The following RIMBP2 variants were observed in gnomAD, a reference collection of about 807,000 sequenced individuals.
RIMBP2 encodes RIMS binding protein 2.
In RIMBP2, 48 loss-of-function variants were observed where a neutral mutation model predicts 118.6. That is an observed-to-expected ratio of 0.40 (90% CI 0.32 to 0.51). The LOEUF (loss-of-function observed/expected upper bound fraction) is 0.51, where lower values mean the gene tolerates loss of function less well. Among genes scored for constraint, RIMBP2 ranks in the 20% least tolerant of loss-of-function variants. RIMBP2 has a pLI of 0.41. For synonymous variants in RIMBP2, 762 were observed against 742.9 expected (o/e 1.03, Z -0.42); for missense variants, 1,551 against 1,768.3 (o/e 0.88, Z 2.20).
At chr12:130,644,153 G>A (rs139216515) in intron 1 of RIMBP2, among the ~76,000 whole-genome samples, 1 of 152,216 alleles carries the variant, frequency 6.6e-6, no homozygotes, top group Non-Finnish European at 1.5e-5. Flanking sequence ...TCAGGGGCCT[G>A]TAGCCTCTCC....
intron 2 of RIMBP2, among the ~76,000 whole-genome samples, chr12:130,530,476 A>G (rs1348594340): frequency 6.7e-6 from 1 of 149,706 alleles, no homozygotes; most frequent in Non-Finnish European, 1.5e-5. Flanking sequence ...GCAGCTAAGA[A>G]TAACAATTTT....
chr12:130,580,875 G>T (rs1297491364), intron 2 of RIMBP2, among the ~76,000 whole-genome samples: 1 of 152,166 alleles, frequency 6.6e-6, no homozygotes, highest in Non-Finnish European at 1.5e-5. Flanking sequence ...TGGGGGCGGA[G>T]GTTGCAGTGA....
chr12:130,396,522 GTGTGGCTTATGCATTA>G lies in RIMBP2; in HGVS notation c.*823_*838del, dbSNP rs1284136551. 6.6e-6 allele frequency: 1 copy of G among 152,630 alleles called. No homozygotes were observed. The highest frequency in any genetic ancestry group is 1.9e-4 in the East Asian group (1 of 5,198). The allele number at this position is 152,630 out of a possible 1,614,324, so 9.5% of individuals were successfully genotyped here. A position where few individuals can be genotyped will look rare whatever the true frequency, so the allele number is the denominator to read the frequency against. ...CAGATTTAAATTGAGTCTGGTTTTG[GTGTGGCTTATGCATTA>G]TGTGGATTACTTGTGTGCCATTCAT... is the stretch of plus-strand genomic sequence containing the variant. On this transcript the variant is annotated 3_prime_UTR_variant, in exon 23 of 23. Transcript: ENST00000690449.
chr12:130,577,345 C>G (rs1298456831), intron 2 of RIMBP2, among the ~76,000 whole-genome samples: 1 of 152,192 alleles, frequency 6.6e-6, no homozygotes, highest in Non-Finnish European at 1.5e-5. Context: ...CCTTCTCACA[C>G]TGCTTTAAAG....
At chr12:130,566,186 C>T (rs1226720331) in intron 2 of RIMBP2, among the ~76,000 whole-genome samples, 1 of 152,106 alleles carries the variant, frequency 6.6e-6, no homozygotes, top group Admixed American at 6.6e-5. Flanking sequence ...CACACACACA[C>T]ACACACACAC....
intron 2 of RIMBP2, among the ~76,000 whole-genome samples, chr12:130,601,335 CAAAAAAAAAAAAA>C (rs35127958): frequency 5.5e-4 from 35 of 63,084 alleles, no homozygotes; most frequent in Non-Finnish European, 8.0e-4. Flanking sequence ...AGAGGGCAGG[CAAAAAAAAAAAAA>C]AAAAAAAAAA....
intron 1 of RIMBP2, among the ~76,000 whole-genome samples, chr12:130,692,940 G>C (rs532105334): frequency 6.6e-6 from 1 of 151,688 alleles, no homozygotes; most frequent in Admixed American, 6.6e-5. Flanking sequence ...GGGATTGAAC[G>C]GCTGGAATGG....
intron 5 of RIMBP2, among the ~76,000 whole-genome samples, chr12:130,473,586 TGAGG>T (rs113245706): frequency 0.086 from 13,056 of 152,070 alleles, 596 homozygotes; most frequent in Middle Eastern, 0.13. Flanking sequence ...TGGAGCAGAG[TGAGG>T]GAGGGGCCTC....
chr12:130,487,822 G>C (rs1393867202), intron 4 of RIMBP2, among the ~76,000 whole-genome samples: 8 of 152,138 alleles, frequency 5.3e-5, no homozygotes, highest in Non-Finnish European at 1.0e-4. Flanking sequence ...TGGTGAGGCA[G>C]AATCAATGAC....
At chr12:130,529,890 T>C (rs2053194768) in intron 2 of RIMBP2, among the ~76,000 whole-genome samples, 1 of 152,076 alleles carries the variant, frequency 6.6e-6, no homozygotes, top group African/African-American at 2.4e-5. Flanking sequence ...CCGCCGCTGA[T>C]CTGATAGAAG....
At chr12:130,456,872 T>A (rs1191723568) in intron 6 of RIMBP2, among the ~76,000 whole-genome samples, 172 bp from the exon 7 acceptor site, 8 of 152,222 alleles carry the variant, frequency 5.3e-5, no homozygotes, top group Non-Finnish European at 7.3e-5. Context: ...TATGAGCATG[T>A]ATCCTGTGTG....
intron 21 of RIMBP2, among the ~76,000 whole-genome samples, chr12:130,402,868 T>G (rs2074772171): frequency 6.6e-6 from 1 of 152,168 alleles, no homozygotes; most frequent in Non-Finnish European, 1.5e-5. Context: ...GATTTAAGGT[T>G]TCAGATACCG....
At chr12:130,466,997 A>G (rs56208911) in intron 6 of RIMBP2, among the ~76,000 whole-genome samples, 10,829 of 152,214 alleles carry the variant, frequency 0.071, 505 homozygotes, top group Middle Eastern at 0.13. Flanking sequence ...TTCTCTACCT[A>G]TTGAAACCAC....
intron 21 of RIMBP2, among the ~76,000 whole-genome samples, chr12:130,404,370 T>C (rs574688741): frequency 2.0e-5 from 3 of 152,344 alleles, no homozygotes; most frequent in Admixed American, 6.5e-5. Context: ...TGATCTCAGC[T>C]CACCGCAACC....
At chr12:130,458,075 C>T (rs764795527) in intron 6 of RIMBP2, among the ~76,000 whole-genome samples, 22 of 149,950 alleles carry the variant, frequency 1.5e-4, no homozygotes, top group Non-Finnish European at 2.7e-4. Flanking sequence ...CCACCTCCCC[C>T]TCCCCTCCTC....
rs767099780 is a variant in RIMBP2, at chr12:130,576,140, G to A, written c.-217+52182C>T. On this transcript the variant is annotated intron_variant, in intron 2 of 22. Coordinates refer to ENST00000690449, the MANE Select transcript of RIMBP2 (RefSeq NM_001393629.1). This position sits in a 1 kb window ranked among gnomAD's most constrained non-coding sequence, Gnocchi z 4.2. ...AGGGGCTGCGGACAGGTGAGGGGGA[G>A]GAGGGGGCTGCAGATCGTACCTTGT... is the stretch of plus-strand genomic sequence containing the variant. Among the ~76,000 whole-genome samples the A allele has an allele frequency of 1.9e-4, 29 of 152,128 alleles. No individual in the cohort carries two copies. Among genetic ancestry groups the A allele is most frequent in the Non-Finnish European group, 2.9e-5 (2 of 68,020 alleles).
intron 1 of RIMBP2, among the ~76,000 whole-genome samples, chr12:130,631,147 T>C (rs916583289): frequency 6.6e-6 from 1 of 152,184 alleles, no homozygotes; most frequent in Non-Finnish European, 1.5e-5. Context: ...AAGCTTTTGA[T>C]ATCAGAAAGA....
rs867680303 is a variant in RIMBP2 at position 130,431,622 on chromosome 12, C to A, written c.2253+3112G>T. 1.3e-5 allele frequency: 2 copies of A among 155,328 alleles called. No homozygotes were observed. Among genetic ancestry groups the A allele is most frequent in the Non-Finnish European group, 2.8e-5 (2 of 71,102 alleles). 9.6% of individuals were successfully genotyped at this position (155,328 alleles called of 1,614,324 possible). On this transcript the variant is annotated intron_variant, in intron 14 of 22. Transcript: ENST00000690449. This position sits in a 1 kb window ranked among gnomAD's most constrained non-coding sequence, Gnocchi z 4.0. ...TTGTTATATTATTATGTTATGAATA[C>A]AACATAAAACAATGCTGCTAAATAT... is the stretch of plus-strand genomic sequence containing the variant.
chr12:130,673,445 G>T (rs1055182582), intron 1 of RIMBP2, among the ~76,000 whole-genome samples: 4 of 152,226 alleles, frequency 2.6e-5, no homozygotes, highest in Non-Finnish European at 4.4e-5. Flanking sequence ...ACCTTGTGAT[G>T]CCTCAGCTAT....
Sources: allele counts gnomAD v4.1 joint callset (sites outside exome capture counted in the v4.1 genomes callset), GRCh38; gene constraint gnomAD v4.1.1; non-coding constraint Gnocchi (gnomAD v3.1); transcripts MANE v1.5; gene names NCBI Gene and HGNC (gene_info 2026-07-23, HGNC 2026-07-21).